Variants in CRTC3 observed in about 807,000 individuals in gnomAD.
CRTC3 encodes the protein CREB regulated transcription coactivator 3, also known as CREB-regulated transcription coactivator 3.
A neutral mutation model predicts 74.5 loss-of-function variants in CRTC3; 26 were observed. The ratio of observed to expected loss-of-function variants is 0.35; its 90% CI spans 0.26 to 0.48. The LOEUF is 0.48. Ranked by LOEUF, CRTC3 falls within the 20% of genes least tolerant of loss-of-function variation. The pLI is 0.99. For missense variants in CRTC3, 760 were observed against 787.3 expected (o/e 0.97, Z 0.41); for synonymous variants, 377 against 325.8 (o/e 1.16, Z -1.69).
chr15:90,624,657 C>T (rs1968766513), intron 9 of CRTC3, among the ~76,000 whole-genome samples: 1 of 152,266 alleles, frequency 6.6e-6, no homozygotes, highest in Non-Finnish European at 1.5e-5. Context: ...ACACACACCC[C>T]TTCTCAAACC....
At chr15:90,598,451 T>C (rs1467370902) in intron 3 of CRTC3, 2 of 702,854 alleles carry the variant, frequency 2.8e-6, no homozygotes, top group South Asian at 1.5e-5. Context: ...ACTCCACAGG[T>C]TGAGAGGAAC....
chr15:90,556,337 C>T (rs1312904310), intron 2 of CRTC3, among the ~76,000 whole-genome samples: 1 of 152,040 alleles, frequency 6.6e-6, no homozygotes, highest in African/African-American at 2.4e-5. Context: ...GTAGAAATAT[C>T]GCCACCGTTG....
chr15:90,545,730 C>T (rs554695959), intron 2 of CRTC3, among the ~76,000 whole-genome samples: 1 of 129,324 alleles, frequency 7.7e-6, no homozygotes, highest in Non-Finnish European at 1.8e-5. Context: ...GCACCTGCCA[C>T]CACGCCCGGG....
At chr15:90,561,718 T>G (rs1967014311) in intron 2 of CRTC3, among the ~76,000 whole-genome samples, 1 of 152,228 alleles carries the variant, frequency 6.6e-6, no homozygotes, top group Non-Finnish European at 1.5e-5. Context: ...AGTGATTATC[T>G]CTAACTAGAA....
intron 2 of CRTC3, among the ~76,000 whole-genome samples, chr15:90,563,345 G>A (rs1445239923): frequency 5.3e-5 from 8 of 152,158 alleles, no homozygotes; most frequent in Admixed American, 5.2e-4. Context: ...GGCGGAAGTT[G>A]CAGTGAGTAG....
At chr15:90,584,000 C>T (rs75378962) in intron 2 of CRTC3, among the ~76,000 whole-genome samples, 12,723 of 151,998 alleles carry the variant, frequency 0.084, 610 homozygotes, top group Middle Eastern at 0.15. Flanking sequence ...CAGGCCTTCA[C>T]GACTCCCCCA....
intron 1 of CRTC3, among the ~76,000 whole-genome samples, chr15:90,534,104 G>A (rs116593022): frequency 6.0e-4 from 91 of 152,258 alleles, no homozygotes; most frequent in African/African-American, 2.1e-3. Flanking sequence ...GTAGAAGAGA[G>A]GAGGAGGAGG....
chr15:90,625,949 A>G lies in CRTC3; in HGVS notation c.923A>G (p.Asn308Ser). The G allele has an allele frequency of 3.7e-6, 6 of 1,614,206 alleles. No homozygotes were observed. Among genetic ancestry groups the G allele is most frequent in the Non-Finnish European group, 5.1e-6 (6 of 1,180,030 alleles). Residue 308 changes from asparagine (N) to serine (S), a missense_variant, in exon 10 of 15, where the codon AAC becomes AGC. Around this residue, in one of 2 missense-constraint regions of CRTC3, gnomAD observed 652 missense variants for 635.2 expected, o/e 1.03. Transcript: ENST00000268184. Reference protein sequence around the residue: ...GSMSVGNSVNNIPAAMTHLGI... With the variant: ...GSMSVGNSVNSIPAAMTHLGI... ...ATGAGTGTGGGGAATAGTGTGAACAACATCCCAGCTGCTATGACCCACCTG... is the reference window on the plus strand; with the variant it reads ...ATGAGTGTGGGGAATAGTGTGAACAGCATCCCAGCTGCTATGACCCACCTG...
intron 2 of CRTC3, among the ~76,000 whole-genome samples, chr15:90,593,350 A>G (rs899938962): frequency 2.6e-5 from 4 of 152,228 alleles, no homozygotes; most frequent in African/African-American, 9.7e-5. Flanking sequence ...GGGATTTAGT[A>G]TATGAGTTCA....
At chr15:90,609,467 G>A (rs1476362851) in intron 6 of CRTC3, among the ~76,000 whole-genome samples, 2 of 152,176 alleles carry the variant, frequency 1.3e-5, no homozygotes. Flanking sequence ...CATGGACCGG[G>A]AGCCAGCTAG....
chr15:90,642,215 T>C lies in CRTC3; in HGVS notation c.*75T>C, dbSNP rs148944685. Reference sequence around the variant, plus strand: ...AATGGAATAGAATGAAGCCAGCTGATACCACGGGCTTTCGTTATCTTGACA... The same window carrying C: ...AATGGAATAGAATGAAGCCAGCTGACACCACGGGCTTTCGTTATCTTGACA... On this transcript the variant is annotated 3_prime_UTR_variant, in exon 15 of 15. Transcript: ENST00000268184. 364 of 1,243,842 alleles carry C rather than the reference T, an allele frequency of 2.9e-4. 1 individual carries two copies. The African/African-American group carries it at 4.9e-3, about 17-fold the overall frequency. The allele number at this position is 1,243,842 out of a possible 1,614,324, so 77.1% of individuals were successfully genotyped here.
Position 90,540,090 on chromosome 15 carries a change from T to C in CRTC3, c.184T>C (p.Ser62Pro), listed in dbSNP as rs368636986. ...GCGCCTTACACAGTACCATGGAGGATCCTTACCAAATGTGAGCCAGCTGCG... is the reference window on the plus strand; with the variant it reads ...GCGCCTTACACAGTACCATGGAGGACCCTTACCAAATGTGAGCCAGCTGCG... ...QLRLTQYHGGSLPNVSQLRSS... is the reference protein window; with the variant it reads ...QLRLTQYHGGPLPNVSQLRSS... The change falls in exon 2 of 15, where the codon TCC becomes CCC. Residue 62 changes from serine (S) to proline (P), a missense_variant. Physicochemically the swap from Ser to Pro is moderately conservative, Grantham distance 74 (BLOSUM62 -1). Coordinates refer to ENST00000268184, the MANE Select transcript of CRTC3 (RefSeq NM_022769.5). The C allele has an allele frequency of 6.2e-7, 1 of 1,613,338 alleles. No homozygotes were observed. The highest frequency in any genetic ancestry group is 1.3e-5 in the African/African-American group (1 of 74,892).
At chr15:90,532,905 C>G (rs932406291) in intron 1 of CRTC3, among the ~76,000 whole-genome samples, 1 of 135,702 alleles carries the variant, frequency 7.4e-6, no homozygotes, top group African/African-American at 2.7e-5. Context: ...GCCAACATGG[C>G]GAAACCCCGT....
chr15:90,601,476 C>T (rs1200921392), intron 3 of CRTC3, among the ~76,000 whole-genome samples: 3 of 150,212 alleles, frequency 2.0e-5, no homozygotes, highest in African/African-American at 7.4e-5. Context: ...GTGGAGAAAC[C>T]CTGTCTCTAA....
At chr15:90,567,387 A>G in intron 2 of CRTC3, among the ~76,000 whole-genome samples, 1 of 152,096 alleles carries the variant, frequency 6.6e-6, no homozygotes, top group East Asian at 1.9e-4. Flanking sequence ...AAAAACAAAC[A>G]ACTAAAATAT....
Position 90,642,119 on chromosome 15 carries a change from G to A in CRTC3, c.1839G>A (p.Thr613=), listed in dbSNP as rs766551946. ...MGLLDPSVEE[T]FRADRL ...TGCTGGACCCCTCTGTTGAAGAGAC[G>A]TTTCGAGCTGACAGACTGTGAACAG... is the stretch of plus-strand genomic sequence containing the variant. Residue 613 remains threonine (T), a synonymous_variant, in exon 15 of 15, where the codon ACG becomes ACA. Transcript: ENST00000268184. 29 of 1,613,874 alleles carry A rather than the reference G, an allele frequency of 1.8e-5. No homozygotes were observed. The highest frequency in any genetic ancestry group is 4.4e-5 in the South Asian group (4 of 91,086).
intron 13 of CRTC3, 29 bp downstream of exon 13, chr15:90,638,844 C>G: frequency 6.4e-7 from 1 of 1,566,098 alleles, no homozygotes; most frequent in South Asian, 1.1e-5. Context: ...CTTCTCCTCC[C>G]TTGGTGCATA....
At chr15:90,611,408 G>C (rs1968353536) in intron 6 of CRTC3, among the ~76,000 whole-genome samples, 1 of 152,092 alleles carries the variant, frequency 6.6e-6, no homozygotes, top group Non-Finnish European at 1.5e-5. Flanking sequence ...CATCCCTGTG[G>C]GACTGATAAA....
chr15:90,629,202 T>C lies in CRTC3; in HGVS notation c.968-32T>C, dbSNP rs1214012746. 3.1e-6 allele frequency: 5 copies of C among 1,590,302 alleles called. No homozygotes were observed. In the African/African-American group the frequency reaches 6.7e-5, roughly 21 times the overall value. On this transcript the variant is annotated intron_variant, in intron 10 of 14. Transcript: ENST00000268184. ...GAATACAAAAGATTTGGTCTGAAATTATAAGTAACTTGTGAATTTGTTGTC... is the reference window on the plus strand; with the variant it reads ...GAATACAAAAGATTTGGTCTGAAATCATAAGTAACTTGTGAATTTGTTGTC...
Sources: gnomAD v4.1 joint callset for allele counts (sites outside exome capture counted in the v4.1 genomes callset) on GRCh38, gnomAD v4.1.1 for gene constraint, gnomAD v4.1.1 regional missense constraint, MANE v1.5 for transcripts, NCBI Gene and HGNC (gene_info 2026-07-23, HGNC 2026-07-21) for gene names.